Variants in TCP11L1 observed in about 807,000 individuals in gnomAD.
TCP11L1 encodes the protein t-complex 11 like 1, also known as T-complex protein 11-like protein 1.
TCP11L1 carries 28 observed loss-of-function variants against 48.9 expected under a neutral mutation model. The ratio of observed to expected loss-of-function variants is 0.57; its 90% confidence interval spans 0.42 to 0.78. TCP11L1 has a LOEUF of 0.78. Ranked by LOEUF, TCP11L1 falls within the 30% of genes least tolerant of loss-of-function variation. The pLI is 0.00. For synonymous variants in TCP11L1, 204 were observed against 231.9 expected, an observed-to-expected ratio of 0.88 and a Z score of 1.09; for missense variants, 505 against 613.4, an observed-to-expected ratio of 0.82 and a Z score of 1.87.
At chr11:33,040,108 C>T (rs1208422655) in intron 1 of TCP11L1, 2 of 121,756 alleles carry the variant, frequency 1.6e-5, no homozygotes, top group Non-Finnish European at 3.6e-5. Context: ...GGGACAGAGC[C>T]CCTTTTTTCT....
intron 7 of TCP11L1, among the ~76,000 whole-genome samples, chr11:33,062,798 T>A (rs571558752): frequency 1.3e-5 from 2 of 152,386 alleles, no homozygotes; most frequent in South Asian, 4.1e-4. Context: ...TGGCTTATTT[T>A]ACTTAGCATA....
At chr11:33,044,047 T>C in intron 2 of TCP11L1, 111 bp downstream of exon 2, 1 of 1,108,294 alleles carries the variant, frequency 9.0e-7, no homozygotes, top group Non-Finnish European at 1.2e-6. Context: ...TAATATAACA[T>C]TGCCAATGTA....
chr11:33,040,421 A>C (rs1292666444), intron 1 of TCP11L1: 1 of 152,204 alleles, frequency 6.6e-6, no homozygotes, highest in Non-Finnish European at 1.5e-5. Context: ...GAGGACACTG[A>C]AGTTACACAG....
At chr11:33,064,937 C>T (rs902779412) in intron 7 of TCP11L1, among the ~76,000 whole-genome samples, 1 of 152,220 alleles carries the variant, frequency 6.6e-6, no homozygotes. Context: ...ACTGCAGGCA[C>T]CCACCATCGC....
chr11:33,047,421 A>G (rs1320377986), intron 2 of TCP11L1, among the ~76,000 whole-genome samples: 1 of 152,172 alleles, frequency 6.6e-6, no homozygotes, highest in African/African-American at 2.4e-5. Flanking sequence ...TTATACTTTA[A>G]TGCTCTTCTC....
rs1220220156 is a variant in TCP11L1 at position 33,045,917 on chromosome 11, A to AT, written c.163+1985dup. On this transcript the variant is annotated intron_variant, in intron 2 of 9. Transcript: ENST00000334274. The stretch of plus-strand genomic sequence containing the variant: ...TGATCTACAGCTGTGACGGTTTAGC[A>AT]TTTTCTTTGCAGCATATGGAACATG... Among the ~76,000 whole-genome samples, 7 of 152,212 alleles carry AT rather than the reference A, an allele frequency of 4.6e-5. No individual in the cohort carries two copies. The South Asian group carries it at 1.0e-3, about 23-fold the overall frequency.
chr11:33,040,013 C>T (rs1853781674), intron 1 of TCP11L1: 1 of 152,328 alleles, frequency 6.6e-6, no homozygotes, highest in Non-Finnish European at 1.5e-5. Context: ...CACTCCCTCG[C>T]TGGCCTGAAC....
At chr11:33,060,429 T>C (rs556551614) in intron 6 of TCP11L1, among the ~76,000 whole-genome samples, 35 of 151,828 alleles carry the variant, frequency 2.3e-4, no homozygotes, top group Middle Eastern at 3.4e-3. Context: ...GAGCTCAGGG[T>C]AAACTGGAGC....
intron 2 of TCP11L1, among the ~76,000 whole-genome samples, chr11:33,053,168 A>T (rs1202100913): frequency 1.5e-5 from 2 of 134,806 alleles, no homozygotes; most frequent in Non-Finnish European, 3.1e-5. Flanking sequence ...TTTTTTTGAG[A>T]CAATCTTCCT....
intron 2 of TCP11L1, among the ~76,000 whole-genome samples, chr11:33,046,502 A>AT (rs1205707095): frequency 7.6e-6 from 1 of 131,814 alleles, no homozygotes; most frequent in Non-Finnish European, 1.7e-5. Context: ...CCAAAAAAGT[A>AT]TATCAACATT....
intron 7 of TCP11L1, 76 bp downstream of exon 7, chr11:33,061,802 C>T (rs1854475622): frequency 2.8e-6 from 4 of 1,410,540 alleles, no homozygotes; most frequent in Non-Finnish European, 3.8e-6. Context: ...TAGCTTTGGC[C>T]AGGCACGGTG....
At chr11:33,046,925 AAGAGTG>A (rs1426231475) in intron 2 of TCP11L1, among the ~76,000 whole-genome samples, 1 of 151,690 alleles carries the variant, frequency 6.6e-6, no homozygotes, top group Non-Finnish European at 1.5e-5. Flanking sequence ...GTAATACTTT[AAGAGTG>A]GAGTTGCTAG....
intron 7 of TCP11L1, among the ~76,000 whole-genome samples, chr11:33,064,000 G>T (rs976030421): frequency 6.6e-6 from 1 of 151,894 alleles, no homozygotes. Context: ...TTTCCCCACC[G>T]CTGATCATCT....
chr11:33,040,375 C>A (rs543483493), intron 1 of TCP11L1: 1 of 152,328 alleles, frequency 6.6e-6, no homozygotes, highest in Admixed American at 6.5e-5. Context: ...TCATCTCCCC[C>A]CAAACCGAGC....
intron 2 of TCP11L1, among the ~76,000 whole-genome samples, chr11:33,047,555 A>T (rs1854035823): frequency 6.6e-6 from 1 of 152,212 alleles, no homozygotes; most frequent in South Asian, 2.1e-4. Context: ...TGTTTATTGG[A>T]TCAGGTCCTT....
chr11:33,045,548 G>T (rs1270672632), intron 2 of TCP11L1, among the ~76,000 whole-genome samples: 1 of 151,988 alleles, frequency 6.6e-6, no homozygotes, highest in Non-Finnish European at 1.5e-5. Flanking sequence ...AAATAAAGAG[G>T]CCAGGATTGA....
chr11:33,045,331 T>G (rs1853957216), intron 2 of TCP11L1, among the ~76,000 whole-genome samples: 1 of 142,352 alleles, frequency 7.0e-6, no homozygotes, highest in African/African-American at 2.6e-5. Flanking sequence ...CCCGTCTGGG[T>G]GACAAAGTAA....
chr11:33,072,345 ATC>A (rs1854816593), intron 9 of TCP11L1, 127 bp from the exon 10 acceptor site: 1 of 866,364 alleles, frequency 1.2e-6, no homozygotes, highest in Non-Finnish European at 1.9e-6. Context: ...TGCTGTGGGT[ATC>A]TGGTCTGGGA....
chr11:33,045,730 A>G (rs1853972019), intron 2 of TCP11L1, among the ~76,000 whole-genome samples: 2 of 152,126 alleles, frequency 1.3e-5, no homozygotes, highest in African/African-American at 2.4e-5. Flanking sequence ...AAAGAATGAA[A>G]AAGACAAGTT....
Sources: gnomAD v4.1 joint callset for allele counts (sites outside exome capture counted in the v4.1 genomes callset) on GRCh38, gnomAD v4.1.1 for gene constraint, MANE v1.5 for transcripts, NCBI Gene and HGNC (gene_info 2026-07-23, HGNC 2026-07-21) for gene names.